Variants in UPP2 observed in about 807,000 individuals in gnomAD.
UPP2 encodes UPase 2.
In UPP2, 23 loss-of-function variants were observed where a neutral mutation model predicts 26.7. The ratio of observed to expected loss-of-function variants is 0.86; its 90% CI spans 0.62 to 1.22. UPP2 has a LOEUF of 1.22. Among genes scored for constraint, UPP2 ranks in the 50% most tolerant of loss-of-function variants. The probability of loss-of-function intolerance (pLI) is 0.00; values close to 1 mark genes in which losing one functional copy is unlikely to be tolerated. For missense variants in UPP2, 387 were observed against 396.7 expected (o/e 0.98, Z 0.21); for synonymous variants, 127 against 141.3 (o/e 0.90, Z 0.72).
chr2:158,006,063 C>T (rs1683482237), intron 2 of UPP2, among the ~76,000 whole-genome samples: 1 of 152,214 alleles, frequency 6.6e-6, no homozygotes, highest in African/African-American at 2.4e-5. Flanking sequence ...CAAGTCTGGG[C>T]TGTTAGTCCT....
chr2:158,038,331 A>C (rs1238614555), intron 3 of UPP2, among the ~76,000 whole-genome samples: 1 of 152,362 alleles, frequency 6.6e-6, no homozygotes, highest in East Asian at 1.9e-4. Context: ...ATTTGTTAAA[A>C]GTGTTGTGTC....
Position 158,032,605 on chromosome 2 carries a change from AGAT to A in UPP2, c.147+16720_147+16722del, listed in dbSNP as rs374687928. Among the ~76,000 whole-genome samples the A allele has an allele frequency of 3.5e-4, 53 of 152,218 alleles. No individual in the cohort carries two copies. The East Asian group carries it at 0.01, about 29-fold the overall frequency. On this transcript the variant is annotated intron_variant, in intron 3 of 9. Coordinates refer to the UPP2 transcript ENST00000605860. ...AGGTGCTGAAACATGGCTGGGACTGAGATCACTGGAGAGGAAGACTCAGGGCTG... is the reference window on the plus strand; with the variant it reads ...AGGTGCTGAAACATGGCTGGGACTGACACTGGAGAGGAAGACTCAGGGCTG...
Position 158,062,575 on chromosome 2 carries a change from T to G in UPP2, c.148-39465T>G, listed in dbSNP as rs151245128. Among the ~76,000 whole-genome samples the G allele has an allele frequency of 8.7e-4, 133 of 152,312 alleles. 1 individual carries two copies. Among genetic ancestry groups the G allele is most frequent in the African/African-American group, 2.9e-3 (120 of 41,576 alleles). On this transcript the variant is annotated intron_variant, in intron 3 of 9. Transcript: ENST00000605860. ...AGCAAAGGTTTAATGTCCAGCACTA[T>G]CTACCCTACCCCAATGTTTGACCCA...
intron 2 of UPP2, among the ~76,000 whole-genome samples, chr2:158,005,980 C>G (rs1046258151): frequency 2.0e-5 from 3 of 152,156 alleles, no homozygotes; most frequent in African/African-American, 7.2e-5. Flanking sequence ...TCACACTCAC[C>G]TAGGGAATGG....
chr2:158,080,536 C>T (rs1419917980), intron 3 of UPP2, among the ~76,000 whole-genome samples: 4 of 152,172 alleles, frequency 2.6e-5, no homozygotes, highest in African/African-American at 4.8e-5. Flanking sequence ...TATCCACACA[C>T]TGATTATACC....
chr2:158,086,625 T>G (rs1021351823), intron 3 of UPP2, among the ~76,000 whole-genome samples: 4 of 152,112 alleles, frequency 2.6e-5, no homozygotes, highest in African/African-American at 9.6e-5. Flanking sequence ...TGTAGATATT[T>G]AAGGCTATGA....
chr2:158,098,239 G>A (rs1223324618), upstream of UPP2, among the ~76,000 whole-genome samples: 1 of 152,146 alleles, frequency 6.6e-6, no homozygotes. Context: ...GCCAAGGTCT[G>A]CGGTGACCAC....
At chr2:158,068,953 G>A (rs1682492517) in intron 3 of UPP2, among the ~76,000 whole-genome samples, 1 of 149,480 alleles carries the variant, frequency 6.7e-6, no homozygotes, top group African/African-American at 2.5e-5. Flanking sequence ...CAGTAGCTGG[G>A]ACTACAGGTG....
chr2:158,097,135 G>A (rs928824423), upstream of UPP2, among the ~76,000 whole-genome samples: 2 of 151,964 alleles, frequency 1.3e-5, no homozygotes, highest in East Asian at 1.9e-4. Context: ...ACTCATCTTC[G>A]AGCATTAACA....
chr2:158,083,378 A>T (rs1046734738), intron 3 of UPP2, among the ~76,000 whole-genome samples: 2 of 152,180 alleles, frequency 1.3e-5, no homozygotes, highest in African/African-American at 4.8e-5. Context: ...TGCAGTCATT[A>T]AAAAAGATGA....
chr2:158,063,435 C>T (rs1449344038), intron 3 of UPP2, among the ~76,000 whole-genome samples: 1 of 152,152 alleles, frequency 6.6e-6, no homozygotes, highest in Non-Finnish European at 1.5e-5. Context: ...ACTTTGATGT[C>T]TGAAAAACCA....
chr2:158,127,703 G>A lies in UPP2; in HGVS notation c.811+3808G>A, dbSNP rs765630757. ...TGGGTCTGTCAACATTTGATAGGTG[G>A]ACAAACTACCTATAATAAGGCCACT... On this transcript the variant is annotated intron_variant, in intron 6 of 6. Transcript: ENST00000005756. Among the ~76,000 whole-genome samples, 33 of 152,234 alleles carry A rather than the reference G, an allele frequency of 2.2e-4. 1 individual carries two copies. The highest frequency in any genetic ancestry group is 3.4e-3 in the Middle Eastern group (1 of 294).
chr2:158,054,359 G>A (rs954126836), intron 3 of UPP2, among the ~76,000 whole-genome samples: 5 of 147,014 alleles, frequency 3.4e-5, no homozygotes, highest in African/African-American at 1.3e-4. Context: ...ACTTTTTCAT[G>A]TTTTTGCTTT....
intron 2 of UPP2, among the ~76,000 whole-genome samples, chr2:158,015,381 C>T (rs1683641763): frequency 6.6e-6 from 1 of 152,176 alleles, no homozygotes; most frequent in African/African-American, 2.4e-5. Context: ...ATGATATCCT[C>T]AAGGTTCAAC....
intron 2 of UPP2, among the ~76,000 whole-genome samples, chr2:158,003,163 A>G (rs1023650530): frequency 6.6e-6 from 1 of 152,064 alleles, no homozygotes; most frequent in Non-Finnish European, 1.5e-5. Flanking sequence ...TAGGGGGCTC[A>G]GGGAGGTCCT....
intron 3 of UPP2, among the ~76,000 whole-genome samples, chr2:158,091,443 G>A (rs1682910306): frequency 6.6e-6 from 1 of 152,110 alleles, no homozygotes; most frequent in Non-Finnish European, 1.5e-5. Flanking sequence ...AGAAAAAATA[G>A]GATACGGTTT....
intron 3 of UPP2, among the ~76,000 whole-genome samples, chr2:158,086,013 T>G (rs531024375): frequency 6.6e-6 from 1 of 152,206 alleles, no homozygotes; most frequent in South Asian, 2.1e-4. Flanking sequence ...GATACTGGCT[T>G]CATTGAATGA....
Position 158,102,248 on chromosome 2 carries a change from A to G in UPP2, c.62+123A>G, listed in dbSNP as rs547937836. Reference sequence around the variant, plus strand: ...ATTTCTTAAATGTAGAGATTATATCACTGGATGCAGCTCATAAAGCAATAA... The same window carrying G: ...ATTTCTTAAATGTAGAGATTATATCGCTGGATGCAGCTCATAAAGCAATAA... On this transcript the variant is annotated intron_variant, in intron 1 of 6. Transcript: ENST00000005756. 2.2e-4 allele frequency: 217 copies of G among 964,478 alleles called. No homozygotes were observed. In the African/African-American group the frequency reaches 3.1e-3, roughly 14 times the overall value. 59.7% of individuals were successfully genotyped at this position (964,478 alleles called of 1,614,324 possible). A position where few individuals can be genotyped will look rare whatever the true frequency, so the allele number is the denominator to read the frequency against.
At chr2:158,079,587 G>A (rs1296478477) in intron 3 of UPP2, among the ~76,000 whole-genome samples, 2 of 152,096 alleles carry the variant, frequency 1.3e-5, no homozygotes, top group African/African-American at 4.8e-5. Context: ...ATTAAAAGGC[G>A]ATTAAATCAT....
Sources: gnomAD v4.1 joint callset for allele counts (sites outside exome capture counted in the v4.1 genomes callset) on GRCh38, gnomAD v4.1.1 for gene constraint, MANE v1.5 for transcripts, NCBI Gene and HGNC (gene_info 2026-07-23, HGNC 2026-07-21) for gene names.